The following MROH1 variants were observed in gnomAD, a reference collection of about 807,000 sequenced individuals.
MROH1 encodes the protein maestro heat like repeat family member 1.
MROH1 carries 117 observed loss-of-function variants against 116.5 expected under a neutral mutation model. The ratio of observed to expected loss-of-function variants is 1.00; its 90% CI spans 0.86 to 1.17. The LOEUF (loss-of-function observed/expected upper bound fraction) is 1.17. Ranked by LOEUF, MROH1 falls within the 50% of genes most tolerant of loss-of-function variation. The probability of loss-of-function intolerance (pLI) is 0.00; values close to 1 mark genes in which losing one functional copy is unlikely to be tolerated. For synonymous variants in MROH1, 921 were observed against 583.9 expected (o/e 1.58, Z -8.32); for missense variants, 1,873 against 1,338.5 (o/e 1.40, Z -6.23).
intron 7 of MROH1, among the ~76,000 whole-genome samples, chr8:144,187,946 C>G (rs1235859612): frequency 6.6e-6 from 1 of 151,930 alleles, no homozygotes. Context: ...CCGGTGGTCT[C>G]AGGGTCCTCT....
At chr8:144,197,622 A>C (rs1830228985) in intron 10 of MROH1, among the ~76,000 whole-genome samples, 1 of 149,030 alleles carries the variant, frequency 6.7e-6, no homozygotes, top group Non-Finnish European at 1.5e-5. Flanking sequence ...TTTTTACTAG[A>C]GATGGGGTTT....
chr8:144,254,082 G>A (rs1843279896), intron 33 of MROH1, among the ~76,000 whole-genome samples: 1 of 152,112 alleles, frequency 6.6e-6, no homozygotes, highest in East Asian at 1.9e-4. Flanking sequence ...ATGTACGTTA[G>A]CCCTCATTCC....
intron 14 of MROH1, among the ~76,000 whole-genome samples, chr8:144,226,614 G>A (rs965131478): frequency 1.3e-5 from 2 of 152,000 alleles, no homozygotes; most frequent in East Asian, 1.9e-4. Flanking sequence ...CACCACACCC[G>A]TCTAAGTTTT....
chr8:144,261,109 C>T lies in MROH1; in HGVS notation c.4672-5C>T, dbSNP rs967945993. 3.9e-6 allele frequency: 3 copies of T among 775,208 alleles called. No individual in the cohort carries two copies. Among genetic ancestry groups the T allele is most frequent in the Non-Finnish European group, 7.2e-6 (3 of 417,664 alleles). 48.0% of individuals were successfully genotyped at this position (775,208 alleles called of 1,614,324 possible). Reference sequence around the variant, plus strand: ...CCAGGCGGCACTGACCAGGCCTCTCCCCAGATGCACCATTTCCCAGACCTG... The same window carrying T: ...CCAGGCGGCACTGACCAGGCCTCTCTCCAGATGCACCATTTCCCAGACCTG... On this transcript the variant is annotated splice_polypyrimidine_tract_variant and splice_region_variant and intron_variant, in intron 41 of 43. Coordinates refer to ENST00000326134, the MANE Select transcript of MROH1 (RefSeq NM_032450.3).
rs1005766920 is a variant in MROH1 at position 144,239,097 on chromosome 8, G to A, written c.1509G>A (p.Pro503=). The part of the protein sequence containing the change: ...TPVRFTGALT[P]LCRSLVHLAQ... Reference sequence around the variant, plus strand: ...TGCGCTTCACTGGGGCCCTGACTCCGCTCTGCAGGAGCCTCGTGCATCTGG... The same window carrying A: ...TGCGCTTCACTGGGGCCCTGACTCCACTCTGCAGGAGCCTCGTGCATCTGG... The change falls in exon 16 of 44, where the codon CCG becomes CCA. Residue 503 remains proline, a synonymous_variant. Coordinates refer to ENST00000326134, the MANE Select transcript of MROH1 (RefSeq NM_032450.3). The A allele has an allele frequency of 2.7e-5, 21 of 776,414 alleles. No individual in the cohort carries two copies. Among genetic ancestry groups the A allele is most frequent in the Admixed American group, 8.5e-5 (5 of 59,022 alleles). 48.1% of individuals were successfully genotyped at this position (776,414 alleles called of 1,614,324 possible).
chr8:144,165,082 C>CTA (rs1820468294), intron 3 of MROH1, among the ~76,000 whole-genome samples: 1 of 151,834 alleles, frequency 6.6e-6, no homozygotes, highest in South Asian at 2.1e-4. Context: ...CCTCAGCCTC[C>CTA]CAAGTAGCTG....
At chr8:144,156,741 A>G (rs1335774591) in intron 1 of MROH1, among the ~76,000 whole-genome samples, 2 of 143,770 alleles carry the variant, frequency 1.4e-5, no homozygotes, top group East Asian at 4.1e-4. Context: ...GAATTTGCAC[A>G]TCTGTGTCCA....
chr8:144,247,225 T>G (rs1842067713), intron 29 of MROH1, 76 bp from the exon 30 acceptor site: 2 of 724,588 alleles, frequency 2.8e-6, no homozygotes, highest in African/African-American at 1.7e-5. Flanking sequence ...ACTCCAGCCC[T>G]CCTCTGGGTA....
At chr8:144,196,290 CA>C (rs35458137) in intron 10 of MROH1, among the ~76,000 whole-genome samples, 130 of 129,014 alleles carry the variant, frequency 1.0e-3, no homozygotes, top group African/African-American at 9.7e-4. Flanking sequence ...ATTCCGTCTC[CA>C]AAAAAAAAAA....
At chr8:144,198,418 G>A (rs547077861) in intron 10 of MROH1, among the ~76,000 whole-genome samples, 45 of 152,234 alleles carry the variant, frequency 3.0e-4, no homozygotes, top group African/African-American at 1.1e-3. Context: ...GTTTTTTATT[G>A]TTGTTTGTTC....
chr8:144,185,792 G>A (rs1293378563), intron 7 of MROH1, among the ~76,000 whole-genome samples: 1 of 117,884 alleles, frequency 8.5e-6, no homozygotes, highest in Non-Finnish European at 1.8e-5. Context: ...ACCGTGGGGG[G>A]AGGGGGAGGG....
rs1826269228 is a variant in MROH1, at chr8:144,183,772, C to T, written c.562+3249C>T. 2.0e-5 allele frequency among the ~76,000 whole-genome samples: 3 copies of T among 152,128 alleles called. No individual in the cohort carries two copies. In the South Asian group the frequency reaches 6.2e-4, roughly 32 times the overall value. The stretch of plus-strand genomic sequence containing the variant: ...CGCCATTCGCCTGCCTCAGCCTCTC[C>T]GAGTAGCTGGGACTACAGGCGCCCA... On this transcript the variant is annotated intron_variant, in intron 7 of 43. Transcript: ENST00000326134.
intron 37 of MROH1, 114 bp downstream of exon 37, chr8:144,259,468 G>T: frequency 2.9e-6 from 2 of 697,362 alleles, no homozygotes; most frequent in East Asian, 2.7e-5. Flanking sequence ...GTCTGTGAGG[G>T]AGGTTATGTG....
rs896103937 is a variant in MROH1, at chr8:144,247,152, G to A, written c.2872-149G>A. On this transcript the variant is annotated intron_variant, in intron 29 of 43. Transcript: ENST00000326134. Reference sequence around the variant, plus strand: ...CAGGAGGGGAGGGAGGAACTCACTGGGAGCTGTGTTGGCCACACTGAGGGC... The same window carrying A: ...CAGGAGGGGAGGGAGGAACTCACTGAGAGCTGTGTTGGCCACACTGAGGGC... 531 of 653,794 alleles carry A rather than the reference G, an allele frequency of 8.1e-4. 2 individuals carry two copies. In the African/African-American group the frequency reaches 8.7e-3, roughly 11 times the overall value. The allele number at this position is 653,794 out of a possible 1,614,324, so 40.5% of individuals were successfully genotyped here. A position where few individuals can be genotyped will look rare whatever the true frequency, so the allele number is the denominator to read the frequency against.
At chr8:144,184,066 T>G (rs1256378535) in intron 7 of MROH1, among the ~76,000 whole-genome samples, 2 of 152,224 alleles carry the variant, frequency 1.3e-5, no homozygotes, top group Admixed American at 6.5e-5. Flanking sequence ...AGGTAGTCTG[T>G]TTTCTTTTAG....
intron 2 of MROH1, among the ~76,000 whole-genome samples, chr8:144,162,997 C>G (rs1470903898): frequency 6.6e-6 from 1 of 152,238 alleles, no homozygotes; most frequent in African/African-American, 2.4e-5. Context: ...TGCTGGATTA[C>G]AGGCATGAGC....
At chr8:144,249,933 C>T (rs1210381335) in intron 32 of MROH1, among the ~76,000 whole-genome samples, 1 of 152,216 alleles carries the variant, frequency 6.6e-6, no homozygotes, top group African/African-American at 2.4e-5. Context: ...TGCCCAGCTC[C>T]GAACCAGCCT....
At position 144,248,864 on chromosome 8, in the gene MROH1, G is replaced by A. The variant is rs966607883; in HGVS notation, c.3121-13G>A. 9.1e-4 allele frequency: 710 copies of A among 777,854 alleles called. 9 individuals carry two copies. In the East Asian group the frequency reaches 0.017, roughly 18 times the overall value. The allele number at this position is 777,854 out of a possible 1,614,324, so 48.2% of individuals were successfully genotyped here. A position where few individuals can be genotyped will look rare whatever the true frequency, so the allele number is the denominator to read the frequency against. ...CCCCCTTCCCTCAACCTCTGGCATC[G>A]CCTTCCTCCTAGATTATTGCCAAGC... On this transcript the variant is annotated splice_polypyrimidine_tract_variant and intron_variant, in intron 31 of 43. Coordinates refer to ENST00000326134, the MANE Select transcript of MROH1 (RefSeq NM_032450.3).
chr8:144,236,211 T>C lies in MROH1; in HGVS notation c.1339-2545T>C, dbSNP rs1461903381. On this transcript the variant is annotated intron_variant, in intron 14 of 43. Transcript: ENST00000326134. ...CAGGTATGGTGGTGTTTTCTCATGA[T>C]TTGATCCAGGTGATGCAGTTTTGGG... Among the ~76,000 whole-genome samples the C allele has an allele frequency of 3.9e-5, 6 of 152,342 alleles. No homozygotes were observed. In the East Asian group the frequency reaches 7.7e-4, roughly 20 times the overall value.
Sources: allele counts gnomAD v4.1 joint callset (sites outside exome capture counted in the v4.1 genomes callset), GRCh38; gene constraint gnomAD v4.1.1; transcripts MANE v1.5; gene names NCBI Gene and HGNC (gene_info 2026-07-23, HGNC 2026-07-21).